Variants in PTN observed in about 807,000 individuals in gnomAD.
The protein encoded by PTN is heparin affin regulatory protein.
A neutral mutation model predicts 24.1 loss-of-function variants in PTN; 18 were observed. That is an observed-to-expected ratio of 0.75 (90% confidence interval 0.52 to 1.11). The LOEUF is 1.11. Among genes scored for constraint, PTN ranks in the 50% least tolerant of loss-of-function variants. PTN has a pLI of 0.00. For synonymous variants in PTN, 78 were observed against 68.6 expected (o/e 1.14, Z -0.67); for missense variants, 163 against 198.8 (o/e 0.82, Z 1.08).
intron 1 of PTN, among the ~76,000 whole-genome samples, chr7:137,261,134 T>G (rs1194982195): frequency 6.6e-6 from 1 of 152,160 alleles, no homozygotes; most frequent in Non-Finnish European, 1.5e-5. Flanking sequence ...TTGATAGGTT[T>G]TAAGCCATCA....
At chr7:137,233,063 A>C (rs551072407) in intron 4 of PTN, among the ~76,000 whole-genome samples, 1 of 152,128 alleles carries the variant, frequency 6.6e-6, no homozygotes, top group African/African-American at 2.4e-5. Context: ...ATGCAGTGAG[A>C]AGAATGAGTA....
chr7:137,262,977 G>A (rs572040381), intron 1 of PTN, among the ~76,000 whole-genome samples: 3 of 152,096 alleles, frequency 2.0e-5, no homozygotes, highest in African/African-American at 4.8e-5. Context: ...AACAACATGA[G>A]AGGGTCTCTC....
intron 1 of PTN, among the ~76,000 whole-genome samples, chr7:137,338,083 G>A (rs960417548): frequency 5.3e-5 from 8 of 152,056 alleles, no homozygotes; most frequent in African/African-American, 1.4e-4. Flanking sequence ...GGGAGACTTC[G>A]AAGACAAGGG....
chr7:137,265,445 G>A (rs1424446356), intron 1 of PTN, among the ~76,000 whole-genome samples: 4 of 152,170 alleles, frequency 2.6e-5, no homozygotes, highest in Non-Finnish European at 4.4e-5. Flanking sequence ...TGATTGATAA[G>A]CTCTTGAAAA....
intron 1 of PTN, among the ~76,000 whole-genome samples, chr7:137,342,296 C>A (rs320726): frequency 0.43 from 64,931 of 151,876 alleles, 14,039 homozygotes; most frequent in South Asian, 0.47. Flanking sequence ...CACACACACA[C>A]GCACATGCAC....
chr7:137,262,533 C>A (rs1809059960), intron 1 of PTN, among the ~76,000 whole-genome samples: 1 of 151,980 alleles, frequency 6.6e-6, no homozygotes, highest in African/African-American at 2.4e-5. Context: ...GAGCCACAGA[C>A]AAAACCCCTC....
Position 137,316,053 on chromosome 7 carries a change from C to T in PTN, c.-2+27386G>A, listed in dbSNP as rs112165226. 3.8e-3 allele frequency among the ~76,000 whole-genome samples: 579 copies of T among 152,256 alleles called. 3 individuals carry two copies. Among genetic ancestry groups the T allele is most frequent in the African/African-American group, 0.01 (432 of 41,538 alleles). On this transcript the variant is annotated intron_variant, in intron 1 of 4. Coordinates refer to ENST00000348225, the MANE Select transcript of PTN (RefSeq NM_002825.7). ...TTTCTTGTGCTAACTGGGTGATCTC[C>T]TCTTGCCTGCTGCATCTACCCTGAG... is the stretch of plus-strand genomic sequence containing the variant.
chr7:137,236,972 A>G (rs1243628178), intron 4 of PTN, among the ~76,000 whole-genome samples: 2 of 152,156 alleles, frequency 1.3e-5, no homozygotes, highest in Non-Finnish European at 2.9e-5. Context: ...ACAGTCCCAT[A>G]AATGTTTTTC....
chr7:137,340,727 T>C (rs141100181), intron 1 of PTN, among the ~76,000 whole-genome samples: 4 of 152,272 alleles, frequency 2.6e-5, no homozygotes, highest in African/African-American at 9.6e-5. Flanking sequence ...CAACTCAACA[T>C]CACTAGCAAA....
intron 1 of PTN, among the ~76,000 whole-genome samples, chr7:137,272,335 A>C (rs576870073): frequency 6.6e-6 from 1 of 152,336 alleles, no homozygotes; most frequent in South Asian, 2.1e-4. Flanking sequence ...GAAACATTTT[A>C]ATCAACTGAT....
At chr7:137,280,888 A>C (rs1010027301) in intron 1 of PTN, among the ~76,000 whole-genome samples, 1 of 150,154 alleles carries the variant, frequency 6.7e-6, no homozygotes, top group Non-Finnish European at 1.5e-5. Flanking sequence ...AAAAAAAAAA[A>C]GGAAATTTTC....
At chr7:137,248,867 T>C (rs753258159) in intron 4 of PTN, among the ~76,000 whole-genome samples, 6 of 152,188 alleles carry the variant, frequency 3.9e-5, no homozygotes, top group Non-Finnish European at 5.9e-5. Context: ...GAATCACTCA[T>C]AGTAATCATA....
Position 137,227,971 on chromosome 7 carries a change from A to G in PTN, c.*49T>C. 1 of 1,598,342 alleles carries G rather than the reference A, an allele frequency of 6.3e-7. No individual in the cohort carries two copies. The highest frequency in any genetic ancestry group is 2.2e-5 in the East Asian group (1 of 44,646). ...ACGGTACATATAAATGCAATAGTTA[A>G]CTGATCCTGTTTGCTGATGTCCTTT... On this transcript the variant is annotated 3_prime_UTR_variant, in exon 5 of 5. Transcript: ENST00000348225.
At chr7:137,331,744 G>A (rs967745099) in intron 1 of PTN, among the ~76,000 whole-genome samples, 4 of 152,182 alleles carry the variant, frequency 2.6e-5, no homozygotes, top group African/African-American at 9.7e-5. Flanking sequence ...TCCAACCTGG[G>A]TGGGACCAGG....
chr7:137,301,342 T>C (rs1809802608), intron 1 of PTN, among the ~76,000 whole-genome samples: 1 of 151,882 alleles, frequency 6.6e-6, no homozygotes, highest in Non-Finnish European at 1.5e-5. Context: ...AGGCTCCTCA[T>C]AGCACCTGTA....
chr7:137,331,833 G>A (rs923159602), intron 1 of PTN, among the ~76,000 whole-genome samples: 3 of 152,170 alleles, frequency 2.0e-5, no homozygotes, highest in Non-Finnish European at 2.9e-5. Context: ...AAGACCTTGT[G>A]TACTCAGCTT....
chr7:137,246,768 C>G (rs544276578), intron 4 of PTN, among the ~76,000 whole-genome samples: 1 of 152,230 alleles, frequency 6.6e-6, no homozygotes, highest in East Asian at 1.9e-4. Flanking sequence ...TAAATGTGAC[C>G]AGCGTTGCAT....
At chr7:137,229,027 G>C (rs561022529) in intron 4 of PTN, among the ~76,000 whole-genome samples, 2 of 151,758 alleles carry the variant, frequency 1.3e-5, no homozygotes, top group South Asian at 4.1e-4. Context: ...CACTGAGAAA[G>C]TTACTTAATG....
chr7:137,285,277 TA>T (rs1312039987), intron 1 of PTN, among the ~76,000 whole-genome samples: 1 of 152,196 alleles, frequency 6.6e-6, no homozygotes, highest in Admixed American at 6.5e-5. Context: ...GATTATAATA[TA>T]ATGTACCTGA....
Sources: allele counts gnomAD v4.1 joint callset (sites outside exome capture counted in the v4.1 genomes callset), GRCh38; gene constraint gnomAD v4.1.1; transcripts MANE v1.5; gene names NCBI Gene and HGNC (gene_info 2026-07-23, HGNC 2026-07-21).